Variants in SETDB2 observed in about 807,000 individuals in gnomAD.
SETDB2 encodes histone-lysine N-methyltransferase SETDB2.
In SETDB2, 56 loss-of-function variants were observed where a neutral mutation model predicts 82.5. The ratio of observed to expected loss-of-function variants is 0.68; its 90% CI spans 0.55 to 0.85. The LOEUF (loss-of-function observed/expected upper bound fraction) is 0.85. Ranked by LOEUF, SETDB2 falls within the 40% of genes least tolerant of loss-of-function variation. SETDB2 has a pLI of 0.00. For synonymous variants in SETDB2, 272 were observed against 284.9 expected, an observed-to-expected ratio of 0.95 and a Z score of 0.46; for missense variants, 677 against 816.4, an observed-to-expected ratio of 0.83 and a Z score of 2.08.
At chr13:49,461,699 C>T (rs1015293526) in intron 4 of SETDB2, among the ~76,000 whole-genome samples, 10 of 152,176 alleles carry the variant, frequency 6.6e-5, no homozygotes, top group Non-Finnish European at 1.5e-4. Context: ...TCTGTGGACA[C>T]CAATGGATGT....
intron 13 of SETDB2, among the ~76,000 whole-genome samples, 159 bp downstream of exon 13, chr13:49,491,069 A>G (rs1380509218): frequency 1.3e-5 from 2 of 152,320 alleles, no homozygotes; most frequent in East Asian, 3.9e-4. Context: ...CCAGAGCCAC[A>G]TGGCGAAACC....
chr13:49,449,091 G>T (rs1957742947), intron 1 of SETDB2, among the ~76,000 whole-genome samples: 1 of 152,100 alleles, frequency 6.6e-6, no homozygotes, highest in Non-Finnish European at 1.5e-5. Flanking sequence ...TAATTTAAGT[G>T]GGTCTCTTAT....
chr13:49,446,784 T>C (rs1957699136), intron 1 of SETDB2, among the ~76,000 whole-genome samples: 1 of 152,224 alleles, frequency 6.6e-6, no homozygotes, highest in Non-Finnish European at 1.5e-5. Flanking sequence ...TGCCATTCTC[T>C]GAGAACATTA....
intron 1 of SETDB2, among the ~76,000 whole-genome samples, chr13:49,448,246 T>A (rs962134562): frequency 6.6e-6 from 1 of 152,174 alleles, no homozygotes; most frequent in African/African-American, 2.4e-5. Context: ...AATTGTTCAG[T>A]TCGTCTGTGC....
At chr13:49,461,047 T>G (rs761701718) in intron 3 of SETDB2, 50 bp from the exon 4 acceptor site, 2 of 1,377,310 alleles carry the variant, frequency 1.5e-6, no homozygotes, top group Non-Finnish European at 2.1e-6. Context: ...GCACAGTAGC[T>G]GGCACCATAA....
At chr13:49,490,586 A>AT (rs1236867640) in intron 12 of SETDB2, among the ~76,000 whole-genome samples, 2 of 152,192 alleles carry the variant, frequency 1.3e-5, no homozygotes, top group Admixed American at 6.5e-5. Context: ...ATATTGACAT[A>AT]TTTTATAGGG....
At chr13:49,481,379 T>A (rs1267771877) in intron 8 of SETDB2, among the ~76,000 whole-genome samples, 1 of 152,170 alleles carries the variant, frequency 6.6e-6, no homozygotes, top group African/African-American at 2.4e-5. Flanking sequence ...AAGGCACATT[T>A]GTTTTGTCTG....
At chr13:49,476,078 A>G (rs1958353124) in intron 5 of SETDB2, among the ~76,000 whole-genome samples, 1 of 152,234 alleles carries the variant, frequency 6.6e-6, no homozygotes, top group Non-Finnish European at 1.5e-5. Context: ...GCTAGGTGCT[A>G]TGAAATACCT....
chr13:49,450,681 AT>A (rs1228900928), intron 1 of SETDB2, among the ~76,000 whole-genome samples: 27 of 152,004 alleles, frequency 1.8e-4, no homozygotes, highest in African/African-American at 6.3e-4. Context: ...TGTTTTCAGC[AT>A]GGCTATATAT....
chr13:49,481,265 G>T, intron 8 of SETDB2, 149 bp downstream of exon 8: 3 of 654,314 alleles, frequency 4.6e-6, no homozygotes, highest in Non-Finnish European at 7.5e-6. Context: ...GGTAAACTGG[G>T]AACTTGAGCA....
Position 49,480,266 on chromosome 13 carries a change from C to G in SETDB2, c.917C>G (p.Ser306Cys), listed in dbSNP as rs745373584. 1.1e-5 allele frequency: 17 copies of G among 1,611,604 alleles called. No individual in the cohort carries two copies. Among genetic ancestry groups the G allele is most frequent in the Non-Finnish European group, 1.4e-5 (17 of 1,179,274 alleles). The change falls in exon 7 of 14, where the codon TCC (serine) becomes TGC (cysteine). Residue 306 changes from serine (S) to cysteine (C), a missense_variant. Ser to Cys is a moderately radical substitution (Grantham distance 112, BLOSUM62 -1). This residue lies in a region of SETDB2 where 420 missense variants were observed against 554.6 expected (regional missense o/e 0.76). Transcript: ENST00000611815. ...CTGACAGCAAGGAATGCCAAAACTT[C>G]CCCCTTGTCAAGTGACAAAATAACC... is the stretch of plus-strand genomic sequence containing the variant. ...LQLTARNAKT[S>C]PLSSDKITTG... is the part of the protein sequence containing the mutation.
At chr13:49,474,515 C>T (rs994409521) in intron 5 of SETDB2, among the ~76,000 whole-genome samples, 1 of 152,152 alleles carries the variant, frequency 6.6e-6, no homozygotes, top group Non-Finnish European at 1.5e-5. Flanking sequence ...AGTATCTTTA[C>T]GTGTATGAAA....
Position 49,451,629 on chromosome 13 carries a change from C to T in SETDB2, c.-265C>T. The stretch of plus-strand genomic sequence containing the variant: ...AAAGATAATGTTAATGATCTGATAC[C>T]ACTACAAATATTTACGTGAGAAGAT... On this transcript the variant is annotated 5_prime_UTR_variant, in exon 2 of 14. Transcript: ENST00000611815. The T allele has an allele frequency of 3.3e-6, 1 of 302,590 alleles. No individual in the cohort carries two copies. Among genetic ancestry groups the T allele is most frequent in the East Asian group, 5.6e-5 (1 of 17,868 alleles). 18.7% of individuals were successfully genotyped at this position (302,590 alleles called of 1,614,324 possible).
chr13:49,462,700 G>A (rs1958021074), intron 4 of SETDB2, among the ~76,000 whole-genome samples: 1 of 152,158 alleles, frequency 6.6e-6, no homozygotes, highest in Admixed American at 6.5e-5. Context: ...GTCAATAAAT[G>A]TCAATAATTT....
In SETDB2 at chr13:49,476,993, A is replaced by G. The variant is rs749369230; in HGVS notation, c.823A>G (p.Ser275Gly). 6.5e-5 allele frequency: 104 copies of G among 1,611,730 alleles called. No individual in the cohort carries two copies. The highest frequency in any genetic ancestry group is 1.0e-4 in the Admixed American group (6 of 59,802). ...PRAYNLTNFS[S>G]MFTDSCDCSE... is the part of the protein sequence containing the mutation. ...AGCATATAATCTAACCAACTTTTCC[A>G]GCATGTTTACTGATTCCTGTGACTG... The change falls in exon 6 of 14, where the codon AGC becomes GGC. Residue 275 changes from serine to glycine, a missense_variant. Around this residue, in one of 3 missense-constraint regions of SETDB2, gnomAD observed 420 missense variants for 554.6 expected, o/e 0.76. Transcript: ENST00000611815.
intron 6 of SETDB2, among the ~76,000 whole-genome samples, chr13:49,479,612 C>T (rs1038471296): frequency 2.8e-4 from 43 of 152,240 alleles, no homozygotes; most frequent in African/African-American, 1.0e-3. Flanking sequence ...CAGTCATTTA[C>T]CTAGTTACAC....
Position 49,494,345 on chromosome 13 carries a change from T to C in SETDB2, c.*2496T>C, listed in dbSNP as rs541185995. On this transcript the variant is annotated 3_prime_UTR_variant, in exon 14 of 14. Transcript: ENST00000611815. ...CACATACAGGCATGCATCTCTGTAT[T>C]CTTTCGGCATAATCTGTGTCCTCCA... is the stretch of plus-strand genomic sequence containing the variant. The C allele has an allele frequency of 7.0e-4, 106 of 152,348 alleles. No homozygotes were observed. The highest frequency in any genetic ancestry group is 2.4e-3 in the African/African-American group (100 of 41,580). The allele number at this position is 152,348 out of a possible 1,614,324, so 9.4% of individuals were successfully genotyped here.
chr13:49,476,802 CT>C lies in SETDB2; in HGVS notation c.635del (p.Phe212SerfsTer59). 6.2e-7 allele frequency: 1 copy of C among 1,613,410 alleles called. No homozygotes were observed. The highest frequency in any genetic ancestry group is 8.5e-7 in the Non-Finnish European group (1 of 1,179,576). ...ECNFLFTDNF[S>X]FNTYVQLARN... ...AACTTTTTATTTACAGATAACTTTT[CT>C]TTCAATACCTATGTTCAGTTGGCTC... On this transcript the variant is annotated frameshift_variant, in exon 6 of 14. Transcript: ENST00000611815. LOFTEE classifies it high-confidence loss of function.
Position 49,486,666 on chromosome 13 carries a change from C to T in SETDB2, c.1576+943C>T, listed in dbSNP as rs149458111. Among the ~76,000 whole-genome samples, 327 of 152,304 alleles carry T rather than the reference C, an allele frequency of 2.1e-3. 1 individual carries two copies. The highest frequency in any genetic ancestry group is 7.6e-3 in the African/African-American group (317 of 41,566). ...CCTGCAATTGCCTAGCCAATACTGC[C>T]GCAGAGCATACTCAGCTTGACTCTG... On this transcript the variant is annotated intron_variant, in intron 11 of 13. Transcript: ENST00000611815.
Sources: gnomAD v4.1 joint callset for allele counts (sites outside exome capture counted in the v4.1 genomes callset) on GRCh38, gnomAD v4.1.1 for gene constraint, gnomAD v4.1.1 regional missense constraint, MANE v1.5 for transcripts, NCBI Gene and HGNC (gene_info 2026-07-23, HGNC 2026-07-21) for gene names.